The following LRRC37A2 variants were observed in gnomAD, a reference collection of about 807,000 sequenced individuals.
LRRC37A2 encodes the protein leucine rich repeat containing 37 member A2, also known as leucine-rich repeat-containing protein 37A2.
In LRRC37A2, 9 loss-of-function variants were observed where a neutral mutation model predicts 68.8. That is an observed-to-expected ratio of 0.13 (90% CI 0.08 to 0.23). LRRC37A2 has a LOEUF of 0.23. LRRC37A2 is among the 10% of genes least tolerant of loss of function. The pLI is 1.00. For missense variants in LRRC37A2, 168 were observed against 950.4 expected (o/e 0.18, Z 10.82); for synonymous variants, 63 against 367.6 (o/e 0.17, Z 9.48).
the LRRC37A2 span, among the ~76,000 whole-genome samples, chr17:46,761,630 C>A: frequency 6.6e-6 from 1 of 152,166 alleles, no homozygotes; most frequent in Non-Finnish European, 1.5e-5. Context: ...CCACCCCACC[C>A]AGCCTGTTCT....
chr17:46,841,281 C>T, the LRRC37A2 span, among the ~76,000 whole-genome samples: 1 of 152,242 alleles, frequency 6.6e-6, no homozygotes. Flanking sequence ...TTGTAAGGGA[C>T]TTGCCCACGG....
the LRRC37A2 span, among the ~76,000 whole-genome samples, chr17:46,754,712 T>C: frequency 1.3e-5 from 2 of 152,228 alleles, no homozygotes; most frequent in African/African-American, 4.8e-5. Flanking sequence ...CTTAGACTCA[T>C]GACACATTCG....
At chr17:46,757,666 T>C in the LRRC37A2 span, among the ~76,000 whole-genome samples, 1 of 151,604 alleles carries the variant, frequency 6.6e-6, no homozygotes, top group Admixed American at 6.6e-5. Flanking sequence ...AAAGTTAATA[T>C]ACAACCATCT....
At chr17:46,913,943 A>G in the LRRC37A2 span, among the ~76,000 whole-genome samples, 11 of 151,976 alleles carry the variant, frequency 7.2e-5, no homozygotes, top group African/African-American at 2.4e-4. Context: ...TATTTTTAGT[A>G]GAGATGGGTT....
chr17:46,987,689 C>T, the LRRC37A2 span, among the ~76,000 whole-genome samples: 1 of 152,052 alleles, frequency 6.6e-6, no homozygotes, highest in African/African-American at 2.4e-5. Context: ...ATGTTTATAG[C>T]AGCACTATTC....
the LRRC37A2 span, among the ~76,000 whole-genome samples, chr17:46,776,524 G>A: frequency 6.6e-6 from 1 of 152,154 alleles, no homozygotes; most frequent in Non-Finnish European, 1.5e-5. Context: ...TGAGGCCAGG[G>A]AGCTAAGTAC....
intron 6 of LRRC37A2, among the ~76,000 whole-genome samples, chr17:46,532,077 C>T (rs1486552234): frequency 6.6e-6 from 1 of 150,392 alleles, no homozygotes; most frequent in Non-Finnish European, 1.5e-5. Context: ...GAGTGAGACT[C>T]CAATGGAGAC....
At chr17:47,000,063 T>TAAAA in the LRRC37A2 span, among the ~76,000 whole-genome samples, 612 of 17,422 alleles carry the variant, frequency 0.035, 34 homozygotes, top group East Asian at 0.096. Context: ...TAAAATAAAA[T>TAAAA]TAAAATAAAA....
the LRRC37A2 span, among the ~76,000 whole-genome samples, chr17:46,752,294 A>G: frequency 1.3e-5 from 2 of 152,064 alleles, no homozygotes; most frequent in Non-Finnish European, 2.9e-5. Context: ...CCACCCTTCC[A>G]TGTGCCCATG....
At chr17:46,796,545 G>A in the LRRC37A2 span, among the ~76,000 whole-genome samples, 1 of 152,222 alleles carries the variant, frequency 6.6e-6, no homozygotes, top group South Asian at 2.1e-4. Context: ...AGTTGGATGA[G>A]AGATCCCATC....
chr17:46,921,132 T>C, the LRRC37A2 span: 1 of 152,240 alleles, frequency 6.6e-6, no homozygotes, highest in African/African-American at 2.4e-5. Flanking sequence ...CTGTGTTGTA[T>C]TAAAGGAGAG....
the LRRC37A2 span, among the ~76,000 whole-genome samples, chr17:46,869,101 G>A: frequency 6.6e-6 from 1 of 152,208 alleles, no homozygotes; most frequent in Non-Finnish European, 1.5e-5. Flanking sequence ...GTGCCAGGGA[G>A]CCTTCTTTGA....
chr17:46,710,958 A>G, the LRRC37A2 span: 3 of 1,582,526 alleles, frequency 1.9e-6, no homozygotes, highest in South Asian at 2.4e-5. Flanking sequence ...CCTTTTTCTT[A>G]ATAGGCCTTT....
At chr17:46,902,777 G>T in the LRRC37A2 span, among the ~76,000 whole-genome samples, 1 of 152,128 alleles carries the variant, frequency 6.6e-6, no homozygotes, top group African/African-American at 2.4e-5. Context: ...TCCTGATAGA[G>T]AGAGCCCTGG....
the LRRC37A2 span, among the ~76,000 whole-genome samples, chr17:46,832,256 G>A: frequency 1.3e-5 from 2 of 152,176 alleles, no homozygotes; most frequent in African/African-American, 4.8e-5. Context: ...CCTCTCTGGG[G>A]GCCTTGACCC....
chr17:46,631,061 TACACACACACACACACACAC>T, the LRRC37A2 span, among the ~76,000 whole-genome samples: 2 of 122,772 alleles, frequency 1.6e-5, no homozygotes, highest in African/African-American at 3.9e-5. Flanking sequence ...TCTCTCTCTG[TACACACACACACACACACAC>T]ACACACACAC....
the LRRC37A2 span, among the ~76,000 whole-genome samples, chr17:46,796,366 A>G: frequency 3.6e-4 from 55 of 152,358 alleles, no homozygotes; most frequent in Non-Finnish European, 7.3e-4. Flanking sequence ...CTTGCCGCAT[A>G]TTAACCCCAT....
At chr17:46,773,616 T>TGGGGGGGGGGG in the LRRC37A2 span, 2 of 997,786 alleles carry the variant, frequency 2.0e-6, no homozygotes, top group Non-Finnish European at 1.5e-6. Flanking sequence ...CATACAGTCC[T>TGGGGGGGGGGG]GATCCCTCCC....
At chr17:46,763,666 C>T in the LRRC37A2 span, 1 of 152,034 alleles carries the variant, frequency 6.6e-6, no homozygotes, top group Non-Finnish European at 1.5e-5. Flanking sequence ...GACCTGGAGT[C>T]CAACTGCTCT....
Sources: allele counts gnomAD v4.1 joint callset (sites outside exome capture counted in the v4.1 genomes callset), GRCh38; gene constraint gnomAD v4.1.1; transcripts MANE v1.5; gene names NCBI Gene and HGNC (gene_info 2026-07-23, HGNC 2026-07-21).